The following KCTD16 variants were observed in gnomAD, a reference collection of about 807,000 sequenced individuals.
The protein encoded by KCTD16 is potassium channel tetramerization domain containing 16, also known as BTB/POZ domain-containing protein KCTD16.
In KCTD16, 13 loss-of-function variants were observed where a neutral mutation model predicts 33.2. That is an observed-to-expected ratio of 0.39 (90% CI 0.25 to 0.62). The LOEUF is 0.62. KCTD16 is among the 20% of genes least tolerant of loss of function. KCTD16 has a pLI of 0.50. For synonymous variants in KCTD16, 197 were observed against 195.3 expected, an observed-to-expected ratio of 1.01 and a Z score of -0.07; for missense variants, 441 against 525.1, an observed-to-expected ratio of 0.84 and a Z score of 1.57.
In KCTD16 at chr5:144,459,420, T is replaced by C. The variant is rs560931298; in HGVS notation, c.833-14240T>C. On this transcript the variant is annotated intron_variant, in intron 3 of 3. Transcript: ENST00000512467. ...AGGCTGGAGTGGAGTGGTGTGATCT[T>C]GGCTCACTGCAACTTCCGCCTCCCA... Among the ~76,000 whole-genome samples, 4 of 152,160 alleles carry C rather than the reference T, an allele frequency of 2.6e-5. No homozygotes were observed. In the South Asian group the frequency reaches 8.3e-4, roughly 32 times the overall value.
chr5:144,297,189 C>G (rs1230157498), intron 3 of KCTD16, among the ~76,000 whole-genome samples: 1 of 152,144 alleles, frequency 6.6e-6, no homozygotes, highest in Non-Finnish European at 1.5e-5. Flanking sequence ...CTTCATTTTT[C>G]CTTCATAAAA....
At position 144,272,753 on chromosome 5, in the gene KCTD16, G is replaced by A. The variant is rs74315578; in HGVS notation, c.832+65207G>A. 6.6e-4 allele frequency among the ~76,000 whole-genome samples: 100 copies of A among 152,162 alleles called. No individual in the cohort carries two copies. The East Asian group carries it at 0.012, about 18-fold the overall frequency. ...GAAAGGATAGTCATTTCAACAAATG[G>A]TTCTGAGAAAATTGGATATCCATAT... On this transcript the variant is annotated intron_variant, in intron 3 of 3. Transcript: ENST00000512467.
intron 3 of KCTD16, among the ~76,000 whole-genome samples, chr5:144,293,066 T>A (rs1040346398): frequency 1.3e-5 from 2 of 152,228 alleles, no homozygotes; most frequent in African/African-American, 4.8e-5. Flanking sequence ...TGGTAATTTA[T>A]CTTTACTGAA....
At chr5:144,421,078 T>G (rs2126961978) in intron 3 of KCTD16, among the ~76,000 whole-genome samples, 1 of 152,288 alleles carries the variant, frequency 6.6e-6, no homozygotes, top group African/African-American at 2.4e-5. Flanking sequence ...TTCCCAGACC[T>G]TTTCCCAGCT....
intron 3 of KCTD16, among the ~76,000 whole-genome samples, chr5:144,253,417 G>C (rs899922806): frequency 6.6e-6 from 1 of 152,156 alleles, no homozygotes; most frequent in African/African-American, 2.4e-5. Flanking sequence ...TGTTTCCTGT[G>C]TTCTTGTATC....
intron 3 of KCTD16, among the ~76,000 whole-genome samples, chr5:144,310,037 G>T (rs1427053716): frequency 6.8e-6 from 1 of 147,198 alleles, no homozygotes; most frequent in Non-Finnish European, 1.5e-5. Context: ...AACACAAGTT[G>T]TTTTTTTTTT....
rs1259666950 is a variant in KCTD16, at chr5:144,403,308, G to T, written c.833-70352G>T. On this transcript the variant is annotated intron_variant, in intron 3 of 3. Coordinates refer to ENST00000512467, the MANE Select transcript of KCTD16 (RefSeq NM_020768.4). ...ATAGCATCTTTGTAGATGTAATAAA[G>T]TTAAAATGAGATTATACTGAATGGG... 3.3e-5 allele frequency among the ~76,000 whole-genome samples: 5 copies of T among 152,188 alleles called. No homozygotes were observed. The South Asian group carries it at 8.3e-4, about 25-fold the overall frequency.
At chr5:144,173,347 T>C (rs1382697946) in intron 1 of KCTD16, among the ~76,000 whole-genome samples, 1 of 152,226 alleles carries the variant, frequency 6.6e-6, no homozygotes, top group Non-Finnish European at 1.5e-5. Context: ...TAGATGGAGC[T>C]GCAGGACATT....
At chr5:144,342,483 A>T (rs953651333) in intron 3 of KCTD16, among the ~76,000 whole-genome samples, 5 of 152,106 alleles carry the variant, frequency 3.3e-5, no homozygotes, top group African/African-American at 1.2e-4. Context: ...GGGCTGAGAC[A>T]ATGGGGTTTT....
At chr5:144,438,017 G>T (rs1235596805) in intron 3 of KCTD16, among the ~76,000 whole-genome samples, 1 of 152,154 alleles carries the variant, frequency 6.6e-6, no homozygotes, top group African/African-American at 2.4e-5. Flanking sequence ...CATTACAAAA[G>T]AGATGTAAAG....
intron 3 of KCTD16, among the ~76,000 whole-genome samples, chr5:144,338,616 A>G (rs1017201499): frequency 2.0e-5 from 3 of 152,200 alleles, no homozygotes. Context: ...ATGAGTTTGA[A>G]CAGATCCTTA....
chr5:144,315,265 C>T (rs1046867714), intron 3 of KCTD16, among the ~76,000 whole-genome samples: 4 of 152,088 alleles, frequency 2.6e-5, no homozygotes, highest in African/African-American at 9.7e-5. Context: ...CCACTGTGAT[C>T]GATTATCCCT....
intron 3 of KCTD16, among the ~76,000 whole-genome samples, chr5:144,467,269 G>C (rs900309923): frequency 6.6e-6 from 1 of 151,474 alleles, no homozygotes; most frequent in Non-Finnish European, 1.5e-5. Flanking sequence ...TCTTTTGCAT[G>C]TCAGAATTTT....
chr5:144,435,703 C>T (rs766247257), intron 3 of KCTD16, among the ~76,000 whole-genome samples: 1 of 151,912 alleles, frequency 6.6e-6, no homozygotes, highest in Non-Finnish European at 1.5e-5. Flanking sequence ...TTATTTACAC[C>T]GCCTTGTAAT....
At chr5:144,389,844 A>G (rs1204924652) in intron 3 of KCTD16, among the ~76,000 whole-genome samples, 6 of 152,138 alleles carry the variant, frequency 3.9e-5, no homozygotes, top group African/African-American at 1.4e-4. Context: ...GTTGATCATA[A>G]ATGTTTTAGG....
chr5:144,439,444 A>T, intron 3 of KCTD16: 1 of 313,218 alleles, frequency 3.2e-6, no homozygotes, highest in South Asian at 3.2e-5. Context: ...TTACTATTCC[A>T]GTGCCCGCTA....
chr5:144,240,088 A>C (rs1754360563), intron 3 of KCTD16, among the ~76,000 whole-genome samples: 1 of 152,168 alleles, frequency 6.6e-6, no homozygotes, highest in African/African-American at 2.4e-5. Context: ...CATGTAAGAA[A>C]ATTGAACTTC....
Position 144,207,554 on chromosome 5 carries a change from C to G in KCTD16, c.832+8C>G, listed in dbSNP as rs1471634026. ...CTGAATATGTCTTCTACCGTAAGTACAAAGGGTTGTTTTAATTTTTTATGT... is the reference window on the plus strand; with the variant it reads ...CTGAATATGTCTTCTACCGTAAGTAGAAAGGGTTGTTTTAATTTTTTATGT... On this transcript the variant is annotated splice_region_variant and intron_variant, in intron 3 of 3. Transcript: ENST00000512467. The G allele has an allele frequency of 6.3e-7, 1 of 1,592,006 alleles. No homozygotes were observed. Among genetic ancestry groups the G allele is most frequent in the South Asian group, 1.1e-5 (1 of 89,830 alleles).
intron 3 of KCTD16, among the ~76,000 whole-genome samples, chr5:144,387,145 T>G (rs974864562): frequency 6.8e-6 from 1 of 147,124 alleles, no homozygotes; most frequent in Non-Finnish European, 1.5e-5. Flanking sequence ...TTAATTTTTT[T>G]TTTTTTTTTT....
Sources: gnomAD v4.1 joint callset for allele counts (sites outside exome capture counted in the v4.1 genomes callset) on GRCh38, gnomAD v4.1.1 for gene constraint, MANE v1.5 for transcripts, NCBI Gene and HGNC (gene_info 2026-07-23, HGNC 2026-07-21) for gene names.